The following FNIP1 variants were observed in gnomAD, a reference collection of about 807,000 sequenced individuals.
The protein encoded by FNIP1 is folliculin interacting protein 1, also known as folliculin-interacting protein 1.
Under a neutral mutation model 124.5 loss-of-function variants are expected in FNIP1, and 40 were observed. That is an observed-to-expected ratio of 0.32 (90% CI 0.25 to 0.42). The LOEUF (loss-of-function observed/expected upper bound fraction) is 0.42. Ranked by LOEUF, FNIP1 falls within the 10% of genes least tolerant of loss-of-function variation. The pLI, the probability that FNIP1 is intolerant of heterozygous loss-of-function variation, is 1.00. For missense variants in FNIP1, 1,176 were observed against 1,403.7 expected, an observed-to-expected ratio of 0.84 and a Z score of 2.59; for synonymous variants, 472 against 470.6, an observed-to-expected ratio of 1.00 and a Z score of -0.04.
chr5:131,772,719 C>T (rs1771680936), intron 1 of FNIP1, among the ~76,000 whole-genome samples: 4 of 152,158 alleles, frequency 2.6e-5, no homozygotes, highest in Admixed American at 2.6e-4. Context: ...TTCAGTCAAG[C>T]ATAGAATCCT....
At chr5:131,740,154 T>C (rs1456560149) in intron 2 of FNIP1, among the ~76,000 whole-genome samples, 1 of 152,250 alleles carries the variant, frequency 6.6e-6, no homozygotes, top group Non-Finnish European at 1.5e-5. Context: ...ACTTTTAAAG[T>C]TCTAAACTTA....
intron 15 of FNIP1, among the ~76,000 whole-genome samples, chr5:131,656,145 T>C (rs1767186366): frequency 6.6e-6 from 1 of 152,080 alleles, no homozygotes; most frequent in Non-Finnish European, 1.5e-5. Context: ...TCATGGTTAG[T>C]GTGATACAGC....
At chr5:131,651,319 A>G (rs1049164747) in intron 16 of FNIP1, among the ~76,000 whole-genome samples, 7 of 152,186 alleles carry the variant, frequency 4.6e-5, no homozygotes, top group African/African-American at 1.4e-4. Context: ...CCTGAGCCCA[A>G]GAAGTTGAGG....
At chr5:131,763,041 G>A (rs1382320967) in intron 1 of FNIP1, among the ~76,000 whole-genome samples, 1 of 152,134 alleles carries the variant, frequency 6.6e-6, no homozygotes, top group Non-Finnish European at 1.5e-5. Flanking sequence ...CAGGGGGAGT[G>A]AGGATGGTTA....
intron 7 of FNIP1, among the ~76,000 whole-genome samples, chr5:131,709,831 T>C (rs1050132401): frequency 3.9e-5 from 6 of 152,150 alleles, no homozygotes; most frequent in African/African-American, 1.4e-4. Context: ...ATATATTTTT[T>C]ATATCTAATA....
At chr5:131,706,629 G>T in intron 8 of FNIP1, 83 bp from the exon 9 acceptor site, 1 of 1,321,656 alleles carries the variant, frequency 7.6e-7, no homozygotes, top group Non-Finnish European at 9.9e-7. Flanking sequence ...ATTACAAATA[G>T]GTTAAGTTAA....
rs367638693 is a variant in FNIP1, at chr5:131,655,259, C to T, written c.3109-3260G>A. On this transcript the variant is annotated intron_variant, in intron 15 of 17. Coordinates refer to ENST00000510461, the MANE Select transcript of FNIP1 (RefSeq NM_133372.3). Reference sequence around the variant, plus strand: ...CAGTAGTGTGCATTTGTAATCCCAGCTACTGGGGAGGCAGAGGCGAGAGGA... The same window carrying T: ...CAGTAGTGTGCATTTGTAATCCCAGTTACTGGGGAGGCAGAGGCGAGAGGA... 3.9e-5 allele frequency among the ~76,000 whole-genome samples: 6 copies of T among 152,244 alleles called. No individual in the cohort carries two copies. In the East Asian group the frequency reaches 9.6e-4, roughly 24 times the overall value.
At position 131,704,060 on chromosome 5, in the gene FNIP1, C is replaced by T. The variant is rs1768991333; in HGVS notation, c.1116+5G>A. On this transcript the variant is annotated splice_donor_5th_base_variant and intron_variant, in intron 10 of 17. Transcript: ENST00000510461. The stretch of plus-strand genomic sequence containing the variant: ...GAAAATACATAAATAAATAACTATG[C>T]TTACCTGTTCTATTGCACTCTTTAA... 2 of 1,590,698 alleles carry T rather than the reference C, an allele frequency of 1.3e-6. No homozygotes were observed. The highest frequency in any genetic ancestry group is 1.1e-5 in the South Asian group (1 of 89,146).
intron 16 of FNIP1, 55 bp downstream of exon 16, chr5:131,651,747 G>T: frequency 2.0e-6 from 3 of 1,529,986 alleles, no homozygotes; most frequent in Non-Finnish European, 2.7e-6. Flanking sequence ...AAAAAACAAT[G>T]ATGAAAGCTT....
intron 1 of FNIP1, among the ~76,000 whole-genome samples, chr5:131,756,896 G>A (rs1403679273): frequency 6.6e-6 from 1 of 152,172 alleles, no homozygotes; most frequent in African/African-American, 2.4e-5. Flanking sequence ...GCCCAGCTGA[G>A]TGGAAAGCCT....
In FNIP1 at chr5:131,662,733, A is replaced by ATT. The variant is rs34051607; in HGVS notation, c.3108+7728_3108+7729dup. The stretch of plus-strand genomic sequence containing the variant: ...TGAACTACCTTTGGAGATATTCTAG[A>ATT]TTTTTTTTTTTTTTTTTTTTTTTTG... On this transcript the variant is annotated intron_variant, in intron 15 of 17. Coordinates refer to ENST00000510461, the MANE Select transcript of FNIP1 (RefSeq NM_133372.3). Among the ~76,000 whole-genome samples the ATT allele has an allele frequency of 7.5e-3, 574 of 76,954 alleles. 7 individuals are homozygous for ATT. The highest frequency in any genetic ancestry group is 0.013 in the African/African-American group (254 of 18,840). 50.5% of individuals were successfully genotyped at this position (76,954 alleles called of 152,430 possible).
intron 8 of FNIP1, among the ~76,000 whole-genome samples, chr5:131,707,592 T>G (rs1041824669): frequency 6.6e-6 from 1 of 152,182 alleles, no homozygotes; most frequent in Non-Finnish European, 1.5e-5. Flanking sequence ...TACTTTAGAA[T>G]GCAGATTCTA....
At chr5:131,764,704 C>G (rs1771360226) in intron 1 of FNIP1, among the ~76,000 whole-genome samples, 2 of 152,052 alleles carry the variant, frequency 1.3e-5, no homozygotes. Context: ...AAAAGAACAT[C>G]TATACGCATT....
chr5:131,713,656 C>T (rs753998691), intron 6 of FNIP1, among the ~76,000 whole-genome samples: 1 of 152,330 alleles, frequency 6.6e-6, no homozygotes, highest in South Asian at 2.1e-4. Flanking sequence ...AACCTAAAAT[C>T]ATCAATTCTG....
At chr5:131,658,519 G>A (rs1356754424) in intron 15 of FNIP1, among the ~76,000 whole-genome samples, 1 of 151,782 alleles carries the variant, frequency 6.6e-6, no homozygotes, top group Non-Finnish European at 1.5e-5. Flanking sequence ...CCACTCCAAG[G>A]GTGACCAAAA....
chr5:131,724,652 G>C (rs931305426), intron 3 of FNIP1, among the ~76,000 whole-genome samples: 2 of 152,140 alleles, frequency 1.3e-5, no homozygotes, highest in Non-Finnish European at 2.9e-5. Flanking sequence ...CCATTCTGCA[G>C]GTTGCCTGTT....
At chr5:131,735,450 AAG>A (rs1770257601) in intron 2 of FNIP1, among the ~76,000 whole-genome samples, 2 of 9,954 alleles carry the variant, frequency 2.0e-4, no homozygotes, top group Non-Finnish European at 4.3e-4. Flanking sequence ...CTAGAACTTA[AAG>A]TATTTTATAT....
At chr5:131,686,025 T>C (rs1190331812) in intron 11 of FNIP1, among the ~76,000 whole-genome samples, 2 of 152,196 alleles carry the variant, frequency 1.3e-5, no homozygotes, top group Admixed American at 1.3e-4. Context: ...TACAAGGGAA[T>C]GTATACAGAG....
intron 1 of FNIP1, among the ~76,000 whole-genome samples, chr5:131,775,476 C>T (rs905897124): frequency 1.4e-5 from 2 of 147,308 alleles, no homozygotes; most frequent in Non-Finnish European, 3.0e-5. Flanking sequence ...CTAATAATTC[C>T]ATATTGAATT....
Sources: gnomAD v4.1 joint callset for allele counts (sites outside exome capture counted in the v4.1 genomes callset) on GRCh38, gnomAD v4.1.1 for gene constraint, MANE v1.5 for transcripts, NCBI Gene and HGNC (gene_info 2026-07-23, HGNC 2026-07-21) for gene names.